Variants in RGS5 observed in about 807,000 individuals in gnomAD.
RGS5 encodes regulator of G-protein signalling 5.
Under a neutral mutation model 18.9 loss-of-function variants are expected in RGS5, and 20 were observed. The ratio of observed to expected loss-of-function variants is 1.06; its 90% CI spans 0.74 to 1.54. The LOEUF (loss-of-function observed/expected upper bound fraction) is 1.54, where lower values mean the gene tolerates loss of function less well. Ranked by LOEUF, RGS5 falls within the 40% of genes most tolerant of loss-of-function variation. The probability of loss-of-function intolerance (pLI) is 0.00; values close to 1 mark genes in which losing one functional copy is unlikely to be tolerated. For synonymous variants in RGS5, 57 were observed against 76.2 expected (o/e 0.75, Z 1.31); for missense variants, 201 against 211.8 (o/e 0.95, Z 0.32).
intron 2 of RGS5, among the ~76,000 whole-genome samples, chr1:163,297,391 C>T (rs1018033186): frequency 2.0e-5 from 3 of 152,116 alleles, no homozygotes; most frequent in African/African-American, 4.8e-5. Context: ...TGTAGGAGAG[C>T]TATGTTTTCT....
At chr1:163,272,046 CTCTT>C (rs1054589056) in intron 2 of RGS5, among the ~76,000 whole-genome samples, 6 of 151,704 alleles carry the variant, frequency 4.0e-5, no homozygotes, top group African/African-American at 1.2e-4. Flanking sequence ...CCCTCTCTCT[CTCTT>C]TTTCTTTTTT....
chr1:163,309,344 T>C (rs1281214970), intron 1 of RGS5, among the ~76,000 whole-genome samples: 1 of 152,212 alleles, frequency 6.6e-6, no homozygotes, highest in Non-Finnish European at 1.5e-5. Context: ...TTTGATAGCA[T>C]TGTACCCATA....
At chr1:163,170,981 T>G (rs1658273671) in intron 1 of RGS5, among the ~76,000 whole-genome samples, 1 of 152,218 alleles carries the variant, frequency 6.6e-6, no homozygotes, top group Admixed American at 6.5e-5. Context: ...TTGAGATGAT[T>G]AAATATACTA....
intron 2 of RGS5, chr1:163,304,724 T>G (rs1310676672): frequency 1.3e-5 from 2 of 152,254 alleles, no homozygotes; most frequent in Non-Finnish European, 2.9e-5. Context: ...GTTAAGTAAG[T>G]GTTTTGTTAA....
chr1:163,215,011 C>T (rs887667692), intron 1 of RGS5, among the ~76,000 whole-genome samples: 17 of 152,138 alleles, frequency 1.1e-4, no homozygotes, highest in Non-Finnish European at 2.5e-4. Context: ...TTTCAAATAA[C>T]CTTTTATCAT....
upstream of RGS5, chr1:163,203,029 G>C (rs1659842382): frequency 1.8e-6 from 1 of 557,928 alleles, no homozygotes; most frequent in South Asian, 2.3e-5. Flanking sequence ...AGCAGCAGTG[G>C]GCCCTGAGGT....
chr1:163,283,481 A>T (rs183378360), intron 2 of RGS5, among the ~76,000 whole-genome samples: 35 of 152,312 alleles, frequency 2.3e-4, no homozygotes, highest in African/African-American at 7.9e-4. Context: ...ATAATAGTAC[A>T]GATTCTGTGA....
At chr1:163,175,495 G>A (rs1348845278) in intron 1 of RGS5, among the ~76,000 whole-genome samples, 3 of 152,100 alleles carry the variant, frequency 2.0e-5, no homozygotes, top group Non-Finnish European at 2.9e-5. Context: ...GTGGAAAGTC[G>A]GCTCAGTTCT....
At chr1:163,292,519 C>T (rs138754467) in intron 2 of RGS5, among the ~76,000 whole-genome samples, 158 of 152,220 alleles carry the variant, frequency 1.0e-3, no homozygotes, top group African/African-American at 3.5e-3. Flanking sequence ...ATTTATATTC[C>T]TTTGGGTATA....
At chr1:163,310,082 T>C (rs894996613) in intron 1 of RGS5, among the ~76,000 whole-genome samples, 12 of 152,218 alleles carry the variant, frequency 7.9e-5, no homozygotes, top group African/African-American at 2.9e-4. Context: ...ATGCTTTAAA[T>C]AGATGTGCTG....
chr1:163,288,220 A>ATTCAATAAT (rs1378912962), intron 2 of RGS5, among the ~76,000 whole-genome samples: 3 of 152,152 alleles, frequency 2.0e-5, no homozygotes, highest in African/African-American at 7.2e-5. Flanking sequence ...CTGAAGTTAC[A>ATTCAATAAT]TTCAATAATT....
intron 2 of RGS5, among the ~76,000 whole-genome samples, chr1:163,299,490 G>T (rs758048770): frequency 3.9e-5 from 6 of 152,170 alleles, no homozygotes; most frequent in Non-Finnish European, 8.8e-5. Flanking sequence ...ATATTGTGAA[G>T]GTCCCTTAAT....
intron 2 of RGS5, among the ~76,000 whole-genome samples, chr1:163,297,029 T>C (rs1649438935): frequency 6.6e-6 from 1 of 152,172 alleles, no homozygotes; most frequent in Non-Finnish European, 1.5e-5. Flanking sequence ...AGGTATTGAC[T>C]TAAATTTGCA....
chr1:163,221,659 A>G (rs536815658), upstream of RGS5, among the ~76,000 whole-genome samples: 2 of 152,328 alleles, frequency 1.3e-5, no homozygotes, highest in South Asian at 4.1e-4. Context: ...TAAAGAAAAA[A>G]ATATTTGCCA....
intron 2 of RGS5, among the ~76,000 whole-genome samples, chr1:163,267,847 C>A (rs570825676): frequency 6.6e-6 from 1 of 152,092 alleles, no homozygotes; most frequent in Admixed American, 6.6e-5. Flanking sequence ...CTAAGTGATG[C>A]CTACCCTTCA....
At chr1:163,270,941 T>C (rs1395650411) in intron 2 of RGS5, among the ~76,000 whole-genome samples, 1 of 152,184 alleles carries the variant, frequency 6.6e-6, no homozygotes, top group African/African-American at 2.4e-5. Flanking sequence ...TTAAAGCTTT[T>C]TAAAATAGAT....
At chr1:163,272,192 T>G (rs1448760479) in intron 2 of RGS5, among the ~76,000 whole-genome samples, 1 of 152,088 alleles carries the variant, frequency 6.6e-6, no homozygotes, top group Non-Finnish European at 1.5e-5. Flanking sequence ...ATAATGAGGA[T>G]TACATTTTCT....
At chr1:163,300,609 G>A (rs1008855590) in intron 2 of RGS5, 1 of 152,180 alleles carries the variant, frequency 6.6e-6, no homozygotes, top group Non-Finnish European at 1.5e-5. Flanking sequence ...GTTAACAAGT[G>A]ATAGCTGTAA....
At chr1:163,226,931 T>A (rs1189619278) in intron 2 of RGS5, among the ~76,000 whole-genome samples, 2 of 152,218 alleles carry the variant, frequency 1.3e-5, no homozygotes, top group Non-Finnish European at 2.9e-5. Flanking sequence ...ATTGGACATT[T>A]TTAAAAATGA....
Sources: allele counts gnomAD v4.1 joint callset (sites outside exome capture counted in the v4.1 genomes callset), GRCh38; gene constraint gnomAD v4.1.1; transcripts MANE v1.5; gene names NCBI Gene and HGNC (gene_info 2026-07-23, HGNC 2026-07-21).